Variants in CACNA2D3 observed in about 807,000 individuals in gnomAD.
CACNA2D3 encodes the protein voltage-dependent calcium channel subunit alpha-2/delta-3.
CACNA2D3 carries 60 observed loss-of-function variants against 160.6 expected under a neutral mutation model. That is an observed-to-expected ratio of 0.37 (90% CI 0.30 to 0.46). The LOEUF is 0.46. CACNA2D3 is among the 20% of genes least tolerant of loss of function. The probability of loss-of-function intolerance (pLI) is 1.00; values close to 1 mark genes in which losing one functional copy is unlikely to be tolerated. For synonymous variants in CACNA2D3, 558 were observed against 492.9 expected, an observed-to-expected ratio of 1.13 and a Z score of -1.75; for missense variants, 1,205 against 1,365.0, an observed-to-expected ratio of 0.88 and a Z score of 1.85.
At chr3:54,903,390 T>C (rs532039010) in intron 27 of CACNA2D3, among the ~76,000 whole-genome samples, 5 of 152,346 alleles carry the variant, frequency 3.3e-5, no homozygotes, top group Admixed American at 3.3e-4. Context: ...CTGATCTCAT[T>C]CTTTTTTTAT....
At chr3:54,808,464 G>C (rs75988067) in intron 13 of CACNA2D3, among the ~76,000 whole-genome samples, 2,894 of 152,196 alleles carry the variant, frequency 0.019, 103 homozygotes, top group African/African-American at 0.066. Context: ...AGGAAAGCTA[G>C]CAGGGGAAAA....
At chr3:54,970,728 CT>C (rs1702257818) in intron 29 of CACNA2D3, among the ~76,000 whole-genome samples, 2 of 150,486 alleles carry the variant, frequency 1.3e-5, no homozygotes, top group South Asian at 4.3e-4. Flanking sequence ...GTGTTTCCAT[CT>C]GCCTTATGTT....
At chr3:54,157,234 A>G (rs1700259849) in intron 2 of CACNA2D3, among the ~76,000 whole-genome samples, 3 of 152,296 alleles carry the variant, frequency 2.0e-5, no homozygotes, top group South Asian at 4.1e-4. Context: ...GTACCAGCAG[A>G]TAGCTTAAGG....
intron 4 of CACNA2D3, among the ~76,000 whole-genome samples, chr3:54,452,259 T>G (rs1367553211): frequency 6.6e-6 from 1 of 152,130 alleles, no homozygotes; most frequent in Admixed American, 6.6e-5. Context: ...CAAGAGAGCT[T>G]GTGCAGGGGA....
Position 55,048,277 on chromosome 3 carries a change from C to G in CACNA2D3, c.2988-25168C>G, listed in dbSNP as rs1433472074. 6.9e-3 allele frequency among the ~76,000 whole-genome samples: 957 copies of G among 139,382 alleles called. 5 individuals are homozygous for G. The highest frequency in any genetic ancestry group is 0.025 in the African/African-American group (913 of 36,042). 91.4% of individuals were successfully genotyped at this position (139,382 alleles called of 152,430 possible). A position where few individuals can be genotyped will look rare whatever the true frequency, so the allele number is the denominator to read the frequency against. On this transcript the variant is annotated intron_variant, in intron 35 of 37. Coordinates refer to ENST00000474759, the MANE Select transcript of CACNA2D3 (RefSeq NM_018398.3). ...CTTATTATTTTGAAATACGTCCCAT[C>G]AGTACCTAATTTCTTGAGAGTTTTT...
intron 16 of CACNA2D3, among the ~76,000 whole-genome samples, chr3:54,839,216 C>T (rs189318828): frequency 2.6e-5 from 4 of 152,252 alleles, no homozygotes; most frequent in African/African-American, 9.6e-5. Context: ...TGAAATCGCA[C>T]CACTGCACTG....
chr3:54,524,322 T>G (rs529061125), intron 5 of CACNA2D3, among the ~76,000 whole-genome samples: 1 of 152,172 alleles, frequency 6.6e-6, no homozygotes, highest in Non-Finnish European at 1.5e-5. Context: ...AATTTCTTCC[T>G]ATTATTGAGT....
chr3:54,978,317 C>G (rs942039754), intron 29 of CACNA2D3, among the ~76,000 whole-genome samples: 1 of 152,078 alleles, frequency 6.6e-6, no homozygotes, highest in African/African-American at 2.4e-5. Flanking sequence ...TAAGAAAACC[C>G]TTAATCCTAA....
At chr3:54,386,401 G>A (rs914770907) in intron 3 of CACNA2D3, among the ~76,000 whole-genome samples, 1 of 152,216 alleles carries the variant, frequency 6.6e-6, no homozygotes, top group African/African-American at 2.4e-5. Flanking sequence ...ACTATGCTAG[G>A]TGGGTTTTGG....
At chr3:54,197,860 C>T (rs1701109456) in intron 2 of CACNA2D3, among the ~76,000 whole-genome samples, 1 of 152,194 alleles carries the variant, frequency 6.6e-6, no homozygotes, top group Non-Finnish European at 1.5e-5. Context: ...TGAAATTCCT[C>T]CTTCCCCATT....
At chr3:54,874,302 G>A (rs1699610900) in intron 18 of CACNA2D3, among the ~76,000 whole-genome samples, 1 of 152,188 alleles carries the variant, frequency 6.6e-6, no homozygotes, top group Non-Finnish European at 1.5e-5. Context: ...CAATAAGTAG[G>A]GCAGATCTTT....
At chr3:54,765,454 T>C (rs773767686) in intron 13 of CACNA2D3, among the ~76,000 whole-genome samples, 5 of 152,218 alleles carry the variant, frequency 3.3e-5, no homozygotes, top group Non-Finnish European at 7.3e-5. Context: ...CATGAGCTTT[T>C]ATCAGCTTGA....
intron 35 of CACNA2D3, among the ~76,000 whole-genome samples, chr3:55,024,489 T>A (rs1263945681): frequency 6.6e-6 from 1 of 152,102 alleles, no homozygotes; most frequent in Admixed American, 6.5e-5. Flanking sequence ...GTCTCTGCCC[T>A]TATGAAAGGT....
intron 2 of CACNA2D3, among the ~76,000 whole-genome samples, chr3:54,182,125 CT>C (rs1700795657): frequency 1.3e-5 from 2 of 152,050 alleles, no homozygotes. Context: ...AATGCAAATA[CT>C]TGTGTTTTCT....
At chr3:54,663,725 C>G (rs1221228846) in intron 11 of CACNA2D3, among the ~76,000 whole-genome samples, 1 of 152,238 alleles carries the variant, frequency 6.6e-6, no homozygotes, top group African/African-American at 2.4e-5. Context: ...GATGCACCAG[C>G]AGATGGGGGC....
intron 11 of CACNA2D3, among the ~76,000 whole-genome samples, chr3:54,737,333 G>C (rs1359088298): frequency 6.6e-6 from 1 of 152,034 alleles, no homozygotes; most frequent in Non-Finnish European, 1.5e-5. Flanking sequence ...ACTTATGATA[G>C]ATAAGGAGAG....
At chr3:55,042,139 A>G (rs899719758) in intron 35 of CACNA2D3, among the ~76,000 whole-genome samples, 2 of 152,128 alleles carry the variant, frequency 1.3e-5, no homozygotes, top group Admixed American at 6.5e-5. Flanking sequence ...GTTAGTTGAA[A>G]TATTCTATAA....
In CACNA2D3 at chr3:54,451,252, T is replaced by TTTTTTA. The variant is rs1700303702; in HGVS notation, c.382-52235_382-52234insATTTTT. Among the ~76,000 whole-genome samples, 2 of 122,030 alleles carry TTTTTTA rather than the reference T, an allele frequency of 1.6e-5. 1 individual carries two copies. Among genetic ancestry groups the TTTTTTA allele is most frequent in the Non-Finnish European group, 3.4e-5 (2 of 59,244 alleles). 80.1% of individuals were successfully genotyped at this position (122,030 alleles called of 152,430 possible). On this transcript the variant is annotated intron_variant, in intron 4 of 37. Transcript: ENST00000474759. ...ATCTTTTTTTTTTTTTTTTTTTTTT[T>TTTTTTA]TTTTTTTTTGAGACAGCCTCTTGCT...
chr3:54,885,111 G>A (rs920483474), intron 21 of CACNA2D3, among the ~76,000 whole-genome samples, 170 bp from the exon 22 acceptor site: 3 of 152,064 alleles, frequency 2.0e-5, no homozygotes, highest in Non-Finnish European at 2.9e-5. Flanking sequence ...CTGCCTGGAA[G>A]GGAACTCGTT....
Sources: gnomAD v4.1 joint callset for allele counts (sites outside exome capture counted in the v4.1 genomes callset) on GRCh38, gnomAD v4.1.1 for gene constraint, MANE v1.5 for transcripts, NCBI Gene and HGNC (gene_info 2026-07-23, HGNC 2026-07-21) for gene names.